ZCCHC7: variants seen among roughly 807,000 people sequenced by gnomAD.
The protein encoded by ZCCHC7 is zinc finger CCHC domain-containing protein 7.
ZCCHC7 carries 35 observed loss-of-function variants against 52.0 expected under a neutral mutation model. The ratio of observed to expected loss-of-function variants is 0.67; its 90% CI spans 0.51 to 0.89. The LOEUF (loss-of-function observed/expected upper bound fraction) is 0.89. ZCCHC7 is among the 40% of genes least tolerant of loss of function. ZCCHC7 has a pLI of 0.00. For synonymous variants in ZCCHC7, 217 were observed against 221.5 expected (o/e 0.98, Z 0.18); for missense variants, 574 against 649.1 (o/e 0.88, Z 1.26).
intron 2 of ZCCHC7, among the ~76,000 whole-genome samples, chr9:37,132,347 T>A (rs1461108347): frequency 6.6e-6 from 1 of 152,234 alleles, no homozygotes; most frequent in Non-Finnish European, 1.5e-5. Context: ...CTCTTTCTTG[T>A]ACTTTTTTTA....
At chr9:37,230,012 G>A (rs889675223) in intron 2 of ZCCHC7, among the ~76,000 whole-genome samples, 14 of 152,148 alleles carry the variant, frequency 9.2e-5, no homozygotes, top group African/African-American at 3.1e-4. Flanking sequence ...GATCAGGATC[G>A]TTAATATCGC....
At chr9:37,132,280 G>A (rs1842816781) in intron 2 of ZCCHC7, among the ~76,000 whole-genome samples, 1 of 152,072 alleles carries the variant, frequency 6.6e-6, no homozygotes, top group Non-Finnish European at 1.5e-5. Context: ...AGCCATAATA[G>A]CTACTTATTT....
chr9:37,181,589 A>G (rs1228832717), intron 2 of ZCCHC7, among the ~76,000 whole-genome samples: 1 of 152,222 alleles, frequency 6.6e-6, no homozygotes, highest in Non-Finnish European at 1.5e-5. Flanking sequence ...AGCTTTGAAA[A>G]CACGTTAGTG....
At chr9:37,347,792 A>G (rs1049891289) in intron 6 of ZCCHC7, among the ~76,000 whole-genome samples, 1 of 152,210 alleles carries the variant, frequency 6.6e-6, no homozygotes, top group African/African-American at 2.4e-5. Flanking sequence ...TTTCACAGTA[A>G]GGTTATCTGT....
At chr9:37,242,557 TA>T (rs1434470546) in intron 2 of ZCCHC7, among the ~76,000 whole-genome samples, 3 of 151,772 alleles carry the variant, frequency 2.0e-5, no homozygotes, top group African/African-American at 7.2e-5. Flanking sequence ...ACCAAGTACT[TA>T]TATCAGAAAT....
At chr9:37,337,177 A>C (rs1830709548) in intron 6 of ZCCHC7, among the ~76,000 whole-genome samples, 1 of 152,150 alleles carries the variant, frequency 6.6e-6, no homozygotes, top group African/African-American at 2.4e-5. Flanking sequence ...TAAACATAAA[A>C]TGTGGCAAAT....
chr9:37,282,325 C>T (rs765452385), intron 2 of ZCCHC7, among the ~76,000 whole-genome samples: 5 of 151,926 alleles, frequency 3.3e-5, no homozygotes, highest in Non-Finnish European at 5.9e-5. Context: ...TAAACAAGGC[C>T]GGGCATGGTG....
intron 2 of ZCCHC7, among the ~76,000 whole-genome samples, chr9:37,287,155 A>C (rs1000620252): frequency 6.8e-5 from 10 of 147,472 alleles, no homozygotes; most frequent in Middle Eastern, 3.5e-3. Context: ...TCAGCCTCCC[A>C]AGTAGCTAGG....
At chr9:37,148,467 G>A (rs118084638) in intron 2 of ZCCHC7, among the ~76,000 whole-genome samples, 4 of 152,132 alleles carry the variant, frequency 2.6e-5, no homozygotes, top group East Asian at 1.9e-4. Flanking sequence ...GAATTAGGTC[G>A]GTTTTTCTTA....
intron 2 of ZCCHC7, among the ~76,000 whole-genome samples, chr9:37,208,366 G>A (rs987388048): frequency 1.3e-5 from 2 of 152,144 alleles, no homozygotes; most frequent in Non-Finnish European, 2.9e-5. Flanking sequence ...GATCACAGAC[G>A]TGAGCCACCA....
intron 2 of ZCCHC7, among the ~76,000 whole-genome samples, chr9:37,169,673 A>T (rs989052022): frequency 5.9e-5 from 9 of 152,242 alleles, no homozygotes; most frequent in African/African-American, 2.2e-4. Flanking sequence ...GTGTGTATAT[A>T]CTAGCATTCC....
chr9:37,246,241 G>A (rs1554718660), intron 2 of ZCCHC7, among the ~76,000 whole-genome samples: 7 of 152,102 alleles, frequency 4.6e-5, no homozygotes, highest in Non-Finnish European at 1.0e-4. Context: ...TTGATTTGAG[G>A]TGCTTGTGGA....
chr9:37,327,778 A>G (rs1830308985), intron 5 of ZCCHC7, 21 bp from the exon 6 acceptor site: 1 of 1,612,662 alleles, frequency 6.2e-7, no homozygotes, highest in African/African-American at 1.3e-5. Context: ...CTCCCAGCTG[A>G]TCAATATTTT....
intron 5 of ZCCHC7, chr9:37,327,104 A>G (rs562759574): frequency 6.6e-6 from 1 of 152,122 alleles, no homozygotes; most frequent in East Asian, 1.9e-4. Flanking sequence ...TGTTCCTGCT[A>G]TTGTTTATAT....
At chr9:37,163,234 A>G (rs1821208258) in intron 2 of ZCCHC7, among the ~76,000 whole-genome samples, 2 of 151,772 alleles carry the variant, frequency 1.3e-5, no homozygotes, top group African/African-American at 2.4e-5. Flanking sequence ...AAAAAAACAA[A>G]AAGTATTTTT....
intron 2 of ZCCHC7, among the ~76,000 whole-genome samples, chr9:37,164,589 AAAG>A (rs951640017): frequency 5.3e-5 from 8 of 152,162 alleles, no homozygotes; most frequent in African/African-American, 1.2e-4. Flanking sequence ...AAAGAAAAGA[AAAG>A]AAGAAAAGAA....
chr9:37,215,846 A>G (rs1231386192), intron 2 of ZCCHC7, among the ~76,000 whole-genome samples: 2 of 152,246 alleles, frequency 1.3e-5, no homozygotes, highest in Non-Finnish European at 1.5e-5. Flanking sequence ...TTTACTGCAC[A>G]CATATAAATC....
intron 2 of ZCCHC7, among the ~76,000 whole-genome samples, chr9:37,162,225 C>T (rs766819470): frequency 2.0e-5 from 3 of 151,646 alleles, no homozygotes; most frequent in Non-Finnish European, 4.4e-5. Context: ...ACATAATATA[C>T]TATAGTATGT....
At chr9:37,268,573 C>A (rs1827229168) in intron 2 of ZCCHC7, among the ~76,000 whole-genome samples, 1 of 152,040 alleles carries the variant, frequency 6.6e-6, no homozygotes, top group South Asian at 2.1e-4. Flanking sequence ...ACTACAGGCG[C>A]CCGCCACCAT....
Sources: allele counts gnomAD v4.1 joint callset (sites outside exome capture counted in the v4.1 genomes callset), GRCh38; gene constraint gnomAD v4.1.1; transcripts MANE v1.5; gene names NCBI Gene and HGNC (gene_info 2026-07-23, HGNC 2026-07-21).